Variants in AAK1 observed in about 807,000 individuals in gnomAD.
AAK1 encodes the protein AP2 associated kinase 1, also known as AP2-associated protein kinase 1.
A neutral mutation model predicts 116.0 loss-of-function variants in AAK1; 37 were observed. The observed-to-expected ratio is 0.32, with a 90% confidence interval of 0.25 to 0.42. AAK1 has a LOEUF of 0.42. Among genes scored for constraint, AAK1 ranks in the 10% least tolerant of loss-of-function variants. The pLI is 1.00. For synonymous variants in AAK1, 458 were observed against 439.9 expected (o/e 1.04, Z -0.51); for missense variants, 919 against 1,170.6 (o/e 0.79, Z 3.14).
chr2:69,512,947 C>A (rs1345349019), intron 13 of AAK1, among the ~76,000 whole-genome samples: 2 of 152,238 alleles, frequency 1.3e-5, no homozygotes, highest in Admixed American at 1.3e-4. Context: ...CCCAGCTCCA[C>A]TACCATCAGT....
chr2:69,497,733 C>T (rs1001581352), intron 16 of AAK1, among the ~76,000 whole-genome samples: 7 of 151,342 alleles, frequency 4.6e-5, no homozygotes, highest in Non-Finnish European at 8.8e-5. Flanking sequence ...TTTTAAAAAA[C>T]GTTTTATTTT....
chr2:69,597,675 GTCTGGGCAACAGAGGGAGAC>G (rs1673358102), intron 2 of AAK1: 1 of 151,850 alleles, frequency 6.6e-6, no homozygotes, highest in African/African-American at 2.4e-5. Flanking sequence ...TTCGAGACCA[GTCTGGGCAACAGAGGGAGAC>G]TCCATCTCTA....
rs1457377005 is a variant in AAK1, at chr2:69,473,277, T to G, written c.*2592A>C. On this transcript the variant is annotated 3_prime_UTR_variant, in exon 22 of 22. Transcript: ENST00000409085. ...TCCCACACCTGTAAAATGAAGAGGA[T>G]GGTGGACTAGAGGATGGTCTCAAAG... 1.0e-6 allele frequency: 1 copy of G among 971,954 alleles called. No homozygotes were observed. Among genetic ancestry groups the G allele is most frequent in the Non-Finnish European group, 1.2e-6 (1 of 817,740 alleles). The allele number at this position is 971,954 out of a possible 1,614,324, so 60.2% of individuals were successfully genotyped here.
chr2:69,525,053 T>C lies in AAK1; in HGVS notation c.1035A>G (p.Lys345=). ...EPVKASEAAA[K]KTQPKARLTD... ...CTTACCTGGCCTTTGGCTGGGTCTT[T>C]TTTGCAGCTGCCTCACTGGCTTTCA... is the stretch of plus-strand genomic sequence containing the variant. Residue 345 remains lysine, a synonymous_variant, in exon 10 of 22, where the codon AAA becomes AAG. Coordinates refer to ENST00000409085, the MANE Select transcript of AAK1 (RefSeq NM_014911.5). 6.2e-7 allele frequency: 1 copy of C among 1,614,004 alleles called. No individual in the cohort carries two copies. The highest frequency in any genetic ancestry group is 8.5e-7 in the Non-Finnish European group (1 of 1,179,872).
At chr2:69,575,246 A>T (rs2105129508) in intron 2 of AAK1, among the ~76,000 whole-genome samples, 1 of 152,150 alleles carries the variant, frequency 6.6e-6, no homozygotes, top group Admixed American at 6.5e-5. Context: ...CCGGGAGCAC[A>T]CTAGCACCAA....
chr2:69,486,719 G>C (rs140735309), intron 17 of AAK1, among the ~76,000 whole-genome samples: 28 of 152,238 alleles, frequency 1.8e-4, no homozygotes, highest in Non-Finnish European at 3.1e-4. Flanking sequence ...CCCTGGGTTT[G>C]GGAATACTAA....
intron 16 of AAK1, 94 bp downstream of exon 16, chr2:69,505,475 G>C (rs1676147896): frequency 1.2e-6 from 1 of 850,980 alleles, no homozygotes; most frequent in African/African-American, 1.7e-5. Context: ...CCAGGATTTG[G>C]ATTTCACTGG....
chr2:69,479,833 G>A (rs1011494126), intron 19 of AAK1, among the ~76,000 whole-genome samples: 6 of 152,146 alleles, frequency 3.9e-5, no homozygotes, highest in Non-Finnish European at 7.4e-5. Flanking sequence ...TTGGCTCACC[G>A]CAACCTCTGC....
At chr2:69,585,924 T>C (rs1672744157) in intron 2 of AAK1, among the ~76,000 whole-genome samples, 1 of 152,098 alleles carries the variant, frequency 6.6e-6, no homozygotes, top group Non-Finnish European at 1.5e-5. Flanking sequence ...GAAAAAAATA[T>C]ACAAAAATTG....
chr2:69,487,068 C>G (rs913104129), intron 17 of AAK1, among the ~76,000 whole-genome samples: 4 of 152,182 alleles, frequency 2.6e-5, no homozygotes, highest in African/African-American at 9.6e-5. Context: ...TACTAAGACT[C>G]AGATATCTGA....
intron 16 of AAK1, among the ~76,000 whole-genome samples, chr2:69,501,860 G>T (rs190522478): frequency 6.6e-5 from 10 of 152,110 alleles, no homozygotes; most frequent in Non-Finnish European, 5.9e-5. Context: ...TGTCCCAGCT[G>T]CTTGGGAGGC....
At chr2:69,526,315 G>C (rs1670023474) in intron 9 of AAK1, among the ~76,000 whole-genome samples, 1 of 152,160 alleles carries the variant, frequency 6.6e-6, no homozygotes. Flanking sequence ...GATTCCAAAT[G>C]TGAGAGTGAA....
intron 2 of AAK1, among the ~76,000 whole-genome samples, chr2:69,611,622 C>A: frequency 6.6e-6 from 1 of 152,144 alleles, no homozygotes; most frequent in Non-Finnish European, 1.5e-5. Context: ...CTTATTGGTT[C>A]TGTCCCTCTG....
intron 2 of AAK1, among the ~76,000 whole-genome samples, chr2:69,635,418 A>G (rs1350551093): frequency 6.6e-6 from 1 of 152,242 alleles, no homozygotes; most frequent in Non-Finnish European, 1.5e-5. Flanking sequence ...TAGGATTACC[A>G]TATGACCTAG....
In AAK1 at chr2:69,465,807, G is replaced by T. The variant is rs1338274836; in HGVS notation, c.*10062C>A. 7.7e-7 allele frequency: 1 copy of T among 1,290,884 alleles called. No homozygotes were observed. The highest frequency in any genetic ancestry group is 2.3e-5 in the Admixed American group (1 of 43,556). 80.0% of individuals were successfully genotyped at this position (1,290,884 alleles called of 1,614,324 possible). On this transcript the variant is annotated 3_prime_UTR_variant, in exon 22 of 22. Coordinates refer to ENST00000409085, the MANE Select transcript of AAK1 (RefSeq NM_014911.5). Reference sequence around the variant, plus strand: ...TTGTACAGAATGGGACAGGAGGTTAGACTGTTGCACAAAACCAGCTGTGGA... The same window carrying T: ...TTGTACAGAATGGGACAGGAGGTTATACTGTTGCACAAAACCAGCTGTGGA...
intron 19 of AAK1, among the ~76,000 whole-genome samples, chr2:69,480,408 C>A (rs965010516): frequency 6.6e-6 from 1 of 151,766 alleles, no homozygotes; most frequent in African/African-American, 2.4e-5. Flanking sequence ...CAGCAAATTA[C>A]CTATACAGGA....
At chr2:69,547,034 A>G (rs1471582986) in intron 3 of AAK1, among the ~76,000 whole-genome samples, 2 of 151,692 alleles carry the variant, frequency 1.3e-5, no homozygotes, top group African/African-American at 4.8e-5. Context: ...AAGGGTGCCA[A>G]GACAATTCAA....
chr2:69,623,740 C>A (rs1184805633), intron 2 of AAK1, among the ~76,000 whole-genome samples: 1 of 152,098 alleles, frequency 6.6e-6, no homozygotes, highest in Non-Finnish European at 1.5e-5. Flanking sequence ...GATCAAGGAC[C>A]TGCCTTTCTT....
At position 69,470,233 on chromosome 2, in the gene AAK1, A is replaced by C. The variant is rs1674630543; in HGVS notation, c.*5636T>G. On this transcript the variant is annotated 3_prime_UTR_variant, in exon 22 of 22. Transcript: ENST00000409085. ...GATATGATTCTTGCCAAAAACAGAA[A>C]ACGAAGACTTGGAGCATTGAGAAGA... The C allele has an allele frequency of 1.0e-6, 1 of 985,340 alleles. No homozygotes were observed. 61.0% of individuals were successfully genotyped at this position (985,340 alleles called of 1,614,324 possible). A position where few individuals can be genotyped will look rare whatever the true frequency, so the allele number is the denominator to read the frequency against.
Sources: allele counts gnomAD v4.1 joint callset (sites outside exome capture counted in the v4.1 genomes callset), GRCh38; gene constraint gnomAD v4.1.1; transcripts MANE v1.5; gene names NCBI Gene and HGNC (gene_info 2026-07-23, HGNC 2026-07-21).